EXOC4: variants seen among roughly 807,000 people sequenced by gnomAD.
EXOC4 encodes exocyst complex component 4, also known as SEC8-like 1.
Under a neutral mutation model 107.2 loss-of-function variants are expected in EXOC4, and 71 were observed. The ratio of observed to expected loss-of-function variants is 0.66; its 90% CI spans 0.55 to 0.81. The LOEUF (loss-of-function observed/expected upper bound fraction) is 0.81, where lower values mean the gene tolerates loss of function less well. EXOC4 is among the 30% of genes least tolerant of loss of function. The pLI is 0.00. For missense variants in EXOC4, 1,108 were observed against 1,189.6 expected, an observed-to-expected ratio of 0.93 and a Z score of 1.01; for synonymous variants, 456 against 441.2, an observed-to-expected ratio of 1.03 and a Z score of -0.42.
the EXOC4 span, among the ~76,000 whole-genome samples, chr7:134,095,946 T>TA: frequency 7.2e-5 from 11 of 152,004 alleles, no homozygotes; most frequent in East Asian, 1.9e-4. Context: ...GCAATTCCAA[T>TA]AAAAAAAGTG....
intron 10 of EXOC4, among the ~76,000 whole-genome samples, chr7:133,751,318 C>T (rs1795789065): frequency 6.6e-6 from 1 of 152,120 alleles, no homozygotes; most frequent in Non-Finnish European, 1.5e-5. Flanking sequence ...CAAATTACAG[C>T]TCAAGACTTC....
intron 5 of EXOC4, among the ~76,000 whole-genome samples, chr7:133,345,773 C>T (rs1149565): frequency 0.99 from 151,088 of 152,320 alleles, 74,939 homozygotes; most frequent in East Asian, 1. Flanking sequence ...GCCCTCCCTG[C>T]GCAAACTCCT....
chr7:133,609,622 G>C (rs1216107832), intron 9 of EXOC4, among the ~76,000 whole-genome samples: 2 of 152,110 alleles, frequency 1.3e-5, no homozygotes, highest in East Asian at 3.8e-4. Context: ...AACTAAACTG[G>C]GAAAAATCTG....
intron 11 of EXOC4, among the ~76,000 whole-genome samples, chr7:133,868,607 C>G (rs1235110642): frequency 6.6e-6 from 1 of 152,094 alleles, no homozygotes; most frequent in Non-Finnish European, 1.5e-5. Flanking sequence ...CTCCCTTTTG[C>G]CCCCACGTCC....
intron 14 of EXOC4, among the ~76,000 whole-genome samples, chr7:133,964,576 G>A (rs944151175): frequency 1.2e-4 from 18 of 152,158 alleles, no homozygotes; most frequent in Non-Finnish European, 2.6e-4. Context: ...AGAACATGCG[G>A]TGTTTGGTTT....
At chr7:133,957,819 A>G (rs999769712) in intron 14 of EXOC4, among the ~76,000 whole-genome samples, 2 of 152,352 alleles carry the variant, frequency 1.3e-5, no homozygotes, top group East Asian at 3.9e-4. Context: ...CAAATTCATT[A>G]GGGGTTAATT....
chr7:133,402,027 G>A (rs566066112), intron 7 of EXOC4, among the ~76,000 whole-genome samples: 16 of 152,192 alleles, frequency 1.1e-4, no homozygotes, highest in Non-Finnish European at 1.8e-4. Flanking sequence ...ATGTAATTAA[G>A]GGCTTTGCAG....
In EXOC4 at chr7:133,791,222, C is replaced by A. The variant is rs530143724; in HGVS notation, c.1515-26103C>A. ...TTTAGGCTACCCAACCCCTAGAAGT[C>A]TGAGAAATTGGTGATAGGGTTTACG... On this transcript the variant is annotated intron_variant, in intron 10 of 17. Transcript: ENST00000253861. Among the ~76,000 whole-genome samples, 5 of 152,268 alleles carry A rather than the reference C, an allele frequency of 3.3e-5. No homozygotes were observed. The South Asian group carries it at 1.0e-3, about 32-fold the overall frequency.
intron 7 of EXOC4, among the ~76,000 whole-genome samples, chr7:133,404,433 C>G (rs1224146596): frequency 6.6e-6 from 1 of 152,008 alleles, no homozygotes; most frequent in African/African-American, 2.4e-5. Context: ...AAGTTAAGTC[C>G]AAATTCCTTG....
intron 7 of EXOC4, among the ~76,000 whole-genome samples, chr7:133,474,695 G>A (rs766762148): frequency 7.9e-5 from 12 of 151,996 alleles, no homozygotes; most frequent in Non-Finnish European, 1.2e-4. Flanking sequence ...TTCTTTGTAG[G>A]TCAGGACTTC....
intron 7 of EXOC4, among the ~76,000 whole-genome samples, chr7:133,441,829 G>T (rs1798111068): frequency 6.6e-6 from 1 of 152,216 alleles, no homozygotes. Context: ...GTGTTTGTGT[G>T]TGGGGGGTGT....
intron 14 of EXOC4, among the ~76,000 whole-genome samples, chr7:133,965,763 C>T (rs1196412345): frequency 6.6e-6 from 1 of 152,152 alleles, no homozygotes; most frequent in Non-Finnish European, 1.5e-5. Context: ...TAGCATGATG[C>T]CTCCAGCTTT....
At chr7:133,431,698 G>A in intron 7 of EXOC4, among the ~76,000 whole-genome samples, 1 of 152,198 alleles carries the variant, frequency 6.6e-6, no homozygotes, top group Non-Finnish European at 1.5e-5. Context: ...TGTTTTTAGA[G>A]CCACATTTGC....
intron 2 of EXOC4, among the ~76,000 whole-genome samples, chr7:133,282,822 A>G (rs1473815826): frequency 6.6e-6 from 1 of 152,192 alleles, no homozygotes; most frequent in Non-Finnish European, 1.5e-5. Flanking sequence ...ATTTTCAGGC[A>G]TACAATACAT....
chr7:133,578,293 C>A (rs1317424575), intron 9 of EXOC4, among the ~76,000 whole-genome samples: 2 of 152,134 alleles, frequency 1.3e-5, no homozygotes, highest in African/African-American at 2.4e-5. Context: ...AAAGAAGACT[C>A]TTTTCACTTT....
chr7:133,873,685 T>C (rs189290140), intron 11 of EXOC4, among the ~76,000 whole-genome samples: 196 of 152,336 alleles, frequency 1.3e-3, no homozygotes, highest in Non-Finnish European at 2.1e-3. Flanking sequence ...AAATGAAAAA[T>C]TGGAGCTATA....
chr7:133,934,861 C>T (rs1800261922), intron 13 of EXOC4, among the ~76,000 whole-genome samples: 1 of 151,532 alleles, frequency 6.6e-6, no homozygotes, highest in South Asian at 2.1e-4. Context: ...GCTCAAATCA[C>T]GGAGGAGACA....
intron 11 of EXOC4, among the ~76,000 whole-genome samples, chr7:133,826,985 CCT>C (rs1797718979): frequency 6.6e-6 from 1 of 152,102 alleles, no homozygotes; most frequent in Non-Finnish European, 1.5e-5. Flanking sequence ...TGCGTCATTC[CCT>C]GAGTACCTTA....
intron 4 of EXOC4, among the ~76,000 whole-genome samples, chr7:133,312,795 G>A (rs1386649621): frequency 6.6e-6 from 1 of 151,238 alleles, no homozygotes; most frequent in Admixed American, 6.6e-5. Flanking sequence ...TCTGTAAGAT[G>A]TTTTGGAAGG....
Sources: gnomAD v4.1 joint callset for allele counts (sites outside exome capture counted in the v4.1 genomes callset) on GRCh38, gnomAD v4.1.1 for gene constraint, MANE v1.5 for transcripts, NCBI Gene and HGNC (gene_info 2026-07-23, HGNC 2026-07-21) for gene names.